HMCN1: variants seen among roughly 807,000 people sequenced by gnomAD.
HMCN1 encodes hemicentin-1.
In HMCN1, 321 loss-of-function variants were observed where a neutral mutation model predicts 625.9. The ratio of observed to expected loss-of-function variants is 0.51; its 90% CI spans 0.47 to 0.56. The LOEUF (loss-of-function observed/expected upper bound fraction) is 0.56, where lower values mean the gene tolerates loss of function less well. HMCN1 is among the 20% of genes least tolerant of loss of function. The probability of loss-of-function intolerance (pLI) is 0.00; values close to 1 mark genes in which losing one functional copy is unlikely to be tolerated. For synonymous variants in HMCN1, 2,425 were observed against 2,417.6 expected (o/e 1.00, Z -0.09); for missense variants, 6,588 against 6,887.3 (o/e 0.96, Z 1.54).
chr1:185,819,307 A>G (rs73072044), intron 1 of HMCN1, among the ~76,000 whole-genome samples: 6 of 151,444 alleles, frequency 4.0e-5, no homozygotes, highest in Non-Finnish European at 8.8e-5. Flanking sequence ...CTATGTCTTT[A>G]TGTCTTTTTC....
chr1:185,979,333 AAG>A (rs1463737571), intron 16 of HMCN1, among the ~76,000 whole-genome samples: 6 of 152,208 alleles, frequency 3.9e-5, no homozygotes, highest in African/African-American at 1.4e-4. Flanking sequence ...ACAAGATAGG[AAG>A]AGAGATGAGA....
intron 1 of HMCN1, among the ~76,000 whole-genome samples, chr1:185,793,587 A>G (rs576673710): frequency 1.4e-4 from 22 of 152,222 alleles, no homozygotes; most frequent in Non-Finnish European, 2.8e-4. Flanking sequence ...TTGGGAGGCC[A>G]TTATTCTGCC....
intron 1 of HMCN1, among the ~76,000 whole-genome samples, chr1:185,824,134 C>T (rs895247221): frequency 2.6e-5 from 4 of 152,234 alleles, no homozygotes; most frequent in African/African-American, 9.6e-5. Flanking sequence ...CTTTATGCTT[C>T]AGCTTGTTTA....
chr1:185,996,940 A>G (rs1386821246), intron 24 of HMCN1, among the ~76,000 whole-genome samples: 2 of 152,130 alleles, frequency 1.3e-5, no homozygotes. Context: ...TGTTTCAGAG[A>G]GAGTATTCTG....
intron 4 of HMCN1, among the ~76,000 whole-genome samples, chr1:185,893,667 T>A (rs1287532605): frequency 1.3e-5 from 2 of 152,216 alleles, no homozygotes; most frequent in Non-Finnish European, 2.9e-5. Flanking sequence ...TGAGCTTCTT[T>A]GATTCAATTA....
chr1:186,014,614 G>A (rs1654233379), intron 30 of HMCN1, among the ~76,000 whole-genome samples: 1 of 152,026 alleles, frequency 6.6e-6, no homozygotes, highest in South Asian at 2.1e-4. Flanking sequence ...AGATATACAT[G>A]TAGACAATTG....
chr1:186,087,474 ATC>A lies in HMCN1; in HGVS notation c.9196_9197del (p.Leu3066PhefsTer4), dbSNP rs763677932. 1 of 1,613,226 alleles carries A rather than the reference ATC, an allele frequency of 6.2e-7. No individual in the cohort carries two copies. The highest frequency in any genetic ancestry group is 8.5e-7 in the Non-Finnish European group (1 of 1,179,460). On this transcript the variant is annotated frameshift_variant, in exon 60 of 107. Transcript: ENST00000271588. LOFTEE classifies it high-confidence loss of function. ...CAAGCATTAAAGACCATGACAGTGA[ATC>A]TCTTTCTGTAGTTAATGTAAGAGAG... is the stretch of plus-strand genomic sequence containing the variant. Reference protein sequence around the residue: ...PPSIKDHDSESLSVVNVREGT... With the variant: ...PPSIKDHDSEXLSVVNVREGT...
intron 1 of HMCN1, among the ~76,000 whole-genome samples, chr1:185,841,607 A>G (rs1360382364): frequency 6.6e-6 from 1 of 152,118 alleles, no homozygotes; most frequent in African/African-American, 2.4e-5. Context: ...GGAAATCTGA[A>G]TGTGTACTGA....
At position 186,178,773 on chromosome 1, in the gene HMCN1, G is replaced by T. The variant is rs553948621; in HGVS notation, c.16294+7G>T. ...AGCCATGACACATGTGTAGGTAAAT[G>T]TCAGCCATATTACATTTCCTTTCTG... On this transcript the variant is annotated splice_region_variant and intron_variant, in intron 104 of 106. Transcript: ENST00000271588. 39 of 1,561,494 alleles carry T rather than the reference G, an allele frequency of 2.5e-5. No homozygotes were observed. The Middle Eastern group carries it at 8.4e-4, about 33-fold the overall frequency.
In HMCN1 at chr1:185,770,304, T is replaced by C. The variant is rs190701501; in HGVS notation, c.268+35257T>C. On this transcript the variant is annotated intron_variant, in intron 1 of 106. Transcript: ENST00000271588. Reference sequence around the variant, plus strand: ...CAGAGAGAGTATATATTAAAGCTATTCTTAGCAAAAAGTAAATAATTTAGC... The same window carrying C: ...CAGAGAGAGTATATATTAAAGCTATCCTTAGCAAAAAGTAAATAATTTAGC... Among the ~76,000 whole-genome samples the C allele has an allele frequency of 7.2e-5, 11 of 152,308 alleles. No individual in the cohort carries two copies. In the East Asian group the frequency reaches 2.1e-3, roughly 29 times the overall value.
chr1:185,893,132 A>G (rs1665237932), intron 4 of HMCN1, among the ~76,000 whole-genome samples: 1 of 152,176 alleles, frequency 6.6e-6, no homozygotes, highest in African/African-American at 2.4e-5. Context: ...GACCCCTTGC[A>G]CTTCCTGAGT....
chr1:185,927,638 A>AT (rs1558071358), intron 9 of HMCN1, among the ~76,000 whole-genome samples: 1 of 152,142 alleles, frequency 6.6e-6, no homozygotes, highest in Non-Finnish European at 1.5e-5. Context: ...CGATCTAGAG[A>AT]TATCACCATA....
intron 11 of HMCN1, among the ~76,000 whole-genome samples, chr1:185,954,198 T>TGGGCTC (rs1334122536): frequency 6.6e-6 from 1 of 152,194 alleles, no homozygotes; most frequent in Non-Finnish European, 1.5e-5. Context: ...TGGCTTGGCT[T>TGGGCTC]GGGCTCAGAG....
intron 52 of HMCN1, among the ~76,000 whole-genome samples, chr1:186,073,347 A>T (rs1160401046): frequency 6.6e-6 from 1 of 152,222 alleles, no homozygotes; most frequent in African/African-American, 2.4e-5. Flanking sequence ...ATTGGAACAT[A>T]TCAAGAAATG....
rs527339691 is a variant in HMCN1, at chr1:185,895,468, T to C, written c.622-13869T>C. The stretch of plus-strand genomic sequence containing the variant: ...TTACTGAATCATAAAGCTGTATTTC[T>C]TAATTGTTCTAAAATTAAAGGTGCT... On this transcript the variant is annotated intron_variant, in intron 4 of 106. Transcript: ENST00000271588. Among the ~76,000 whole-genome samples, 12 of 152,356 alleles carry C rather than the reference T, an allele frequency of 7.9e-5. No individual in the cohort carries two copies. The South Asian group carries it at 1.9e-3, about 24-fold the overall frequency.
At chr1:185,995,294 T>G (rs1201445621) in intron 24 of HMCN1, among the ~76,000 whole-genome samples, 1 of 152,108 alleles carries the variant, frequency 6.6e-6, no homozygotes, top group Non-Finnish European at 1.5e-5. Flanking sequence ...TATGTTTACT[T>G]TTGAAGCAAA....
intron 4 of HMCN1, among the ~76,000 whole-genome samples, chr1:185,895,018 CA>C (rs1665406502): frequency 6.7e-6 from 1 of 149,240 alleles, no homozygotes. Context: ...ACTTCTGAGT[CA>C]CGAGTTAGTT....
At chr1:185,904,396 T>C (rs1217769407) in intron 4 of HMCN1, among the ~76,000 whole-genome samples, 1 of 151,896 alleles carries the variant, frequency 6.6e-6, no homozygotes, top group Non-Finnish European at 1.5e-5. Context: ...AAATACCATA[T>C]AGATTTAAAG....
At chr1:186,114,213 T>G (rs1361357909) in intron 73 of HMCN1, 90 bp downstream of exon 73, 2 of 1,297,876 alleles carry the variant, frequency 1.5e-6, no homozygotes, top group African/African-American at 2.9e-5. Context: ...GGTCTCATTA[T>G]GTTTAGAATC....
Sources: allele counts gnomAD v4.1 joint callset (sites outside exome capture counted in the v4.1 genomes callset), GRCh38; gene constraint gnomAD v4.1.1; transcripts MANE v1.5; gene names NCBI Gene and HGNC (gene_info 2026-07-23, HGNC 2026-07-21).